Variants in PTPRD observed in about 807,000 individuals in gnomAD.
PTPRD encodes receptor-type tyrosine-protein phosphatase delta.
Under a neutral mutation model 214.5 loss-of-function variants are expected in PTPRD, and 34 were observed. The ratio of observed to expected loss-of-function variants is 0.16; its 90% CI spans 0.12 to 0.21. The LOEUF (loss-of-function observed/expected upper bound fraction) is 0.21, where lower values mean the gene tolerates loss of function less well. Ranked by LOEUF, PTPRD falls within the 10% of genes least tolerant of loss-of-function variation. The pLI is 1.00. For synonymous variants in PTPRD, 1,128 were observed against 845.7 expected (o/e 1.33, Z -5.79); for missense variants, 2,545 against 2,398.7 (o/e 1.06, Z -1.27).
chr9:9,490,680 G>T (rs951682521), intron 8 of PTPRD, among the ~76,000 whole-genome samples: 1 of 151,742 alleles, frequency 6.6e-6, no homozygotes, highest in African/African-American at 2.4e-5. Flanking sequence ...ATAAATTCAG[G>T]ATATAATTAC....
intron 14 of PTPRD, among the ~76,000 whole-genome samples, chr9:8,579,338 A>G (rs1012716788): frequency 3.3e-5 from 5 of 152,242 alleles, no homozygotes; most frequent in Admixed American, 2.6e-4. Context: ...ATTTTAAAAG[A>G]AAAGATATAA....
intron 4 of PTPRD, among the ~76,000 whole-genome samples, chr9:9,999,287 G>C (rs961024311): frequency 6.6e-6 from 1 of 152,174 alleles, no homozygotes; most frequent in African/African-American, 2.4e-5. Flanking sequence ...ACCCCTGAAA[G>C]CCCAGAGGAA....
At chr9:8,737,290 T>A (rs1049710971) in intron 11 of PTPRD, among the ~76,000 whole-genome samples, 6 of 152,334 alleles carry the variant, frequency 3.9e-5, no homozygotes, top group Middle Eastern at 3.4e-3. Context: ...GGTGTGAAGA[T>A]GAAACGTATT....
intron 2 of PTPRD, among the ~76,000 whole-genome samples, chr9:10,535,817 G>C (rs1006866359): frequency 5.3e-5 from 8 of 152,052 alleles, no homozygotes; most frequent in African/African-American, 1.9e-4. Flanking sequence ...CCTGTTGTAG[G>C]TGAATCCAGG....
intron 9 of PTPRD, among the ~76,000 whole-genome samples, chr9:9,350,739 GA>G (rs1331942699): frequency 6.6e-6 from 1 of 151,852 alleles, no homozygotes. Flanking sequence ...TATCAAATTT[GA>G]AAAGGAACTT....
rs768367479 is a variant in PTPRD, at chr9:8,946,367, G to A, written c.-104+72330C>T. ...GAGGCAGCAGTATATAGGTTTCGAG[G>A]GTTTTGTTGGAGTACTGGCTCTTCT... On this transcript the variant is annotated intron_variant, in intron 11 of 45. Coordinates refer to ENST00000381196, the MANE Select transcript of PTPRD (RefSeq NM_002839.4). Among the ~76,000 whole-genome samples the A allele has an allele frequency of 3.7e-4, 56 of 152,130 alleles. 1 individual carries two copies. The highest frequency in any genetic ancestry group is 1.8e-3 in the Admixed American group (28 of 15,266).
chr9:9,572,729 G>T (rs561573895), intron 8 of PTPRD, among the ~76,000 whole-genome samples: 1 of 150,148 alleles, frequency 6.7e-6, no homozygotes, highest in South Asian at 2.1e-4. Context: ...AAATAATCTA[G>T]TAAGAAAAAA....
chr9:8,631,320 A>G (rs1183793691), intron 14 of PTPRD, among the ~76,000 whole-genome samples: 1 of 151,430 alleles, frequency 6.6e-6, no homozygotes. Context: ...TTTTAAATAT[A>G]TTTTGAAACC....
intron 37 of PTPRD, among the ~76,000 whole-genome samples, chr9:8,383,559 T>C (rs924263651): frequency 6.6e-6 from 1 of 152,164 alleles, no homozygotes; most frequent in Non-Finnish European, 1.5e-5. Context: ...CATCATCTGG[T>C]TTGTATGATT....
At chr9:10,254,207 G>T (rs2093043321) in intron 3 of PTPRD, among the ~76,000 whole-genome samples, 2 of 152,218 alleles carry the variant, frequency 1.3e-5, no homozygotes, top group Middle Eastern at 3.4e-3. Flanking sequence ...TTTATTGTAA[G>T]TTGGCAAATC....
intron 11 of PTPRD, among the ~76,000 whole-genome samples, chr9:8,931,586 A>G (rs2098953034): frequency 6.6e-6 from 1 of 152,120 alleles, no homozygotes; most frequent in Non-Finnish European, 1.5e-5. Context: ...GATTCTTCCT[A>G]TCCATGAGCA....
chr9:10,052,171 T>C (rs2097546863), intron 3 of PTPRD, among the ~76,000 whole-genome samples: 1 of 152,168 alleles, frequency 6.6e-6, no homozygotes, highest in South Asian at 2.1e-4. Context: ...CACAAACTGT[T>C]ATTATTTACA....
At chr9:8,607,618 G>A (rs542481003) in intron 14 of PTPRD, among the ~76,000 whole-genome samples, 84 of 152,182 alleles carry the variant, frequency 5.5e-4, no homozygotes, top group African/African-American at 1.9e-3. Context: ...ACTCCAGCCT[G>A]GGAGACTGAG....
At chr9:9,291,122 C>A (rs1438642189) in intron 9 of PTPRD, among the ~76,000 whole-genome samples, 13 of 151,362 alleles carry the variant, frequency 8.6e-5, no homozygotes. Context: ...AGATGATATA[C>A]ACTGAAATAC....
intron 2 of PTPRD, among the ~76,000 whole-genome samples, chr9:10,535,383 T>C (rs1218450477): frequency 6.6e-6 from 1 of 152,154 alleles, no homozygotes; most frequent in Non-Finnish European, 1.5e-5. Flanking sequence ...AAATATTTTA[T>C]GATTTGGGGC....
At chr9:10,113,953 G>A (rs2098711131) in intron 3 of PTPRD, among the ~76,000 whole-genome samples, 1 of 152,130 alleles carries the variant, frequency 6.6e-6, no homozygotes, top group South Asian at 2.1e-4. Flanking sequence ...TAGAATGTTT[G>A]TAAAAAATGA....
At chr9:9,709,502 A>G (rs2097687278) in intron 7 of PTPRD, among the ~76,000 whole-genome samples, 1 of 152,068 alleles carries the variant, frequency 6.6e-6, no homozygotes, top group Non-Finnish European at 1.5e-5. Flanking sequence ...ATAAATTAGT[A>G]TAAAACAAGA....
intron 2 of PTPRD, among the ~76,000 whole-genome samples, chr9:10,451,352 T>C (rs1203558503): frequency 2.0e-5 from 3 of 151,924 alleles, no homozygotes; most frequent in Non-Finnish European, 4.4e-5. Flanking sequence ...GAGTCTGTGA[T>C]TACAAATAAT....
Position 10,378,903 on chromosome 9 carries a change from G to A in PTPRD, c.-599-37886C>T, listed in dbSNP as rs1371849149. 2.0e-5 allele frequency among the ~76,000 whole-genome samples: 3 copies of A among 151,950 alleles called. No individual in the cohort carries two copies. In the East Asian group the frequency reaches 5.8e-4, roughly 30 times the overall value. ...TTGTATTGAATCTGTAGATGACTTT[G>A]GGTAGTACGGACATTTTAATAATAT... On this transcript the variant is annotated intron_variant, in intron 2 of 45. Coordinates refer to ENST00000381196, the MANE Select transcript of PTPRD (RefSeq NM_002839.4).
Sources: gnomAD v4.1 joint callset for allele counts (sites outside exome capture counted in the v4.1 genomes callset) on GRCh38, gnomAD v4.1.1 for gene constraint, MANE v1.5 for transcripts, NCBI Gene and HGNC (gene_info 2026-07-23, HGNC 2026-07-21) for gene names.